Variants in ZNF618 observed in about 807,000 individuals in gnomAD.
ZNF618 encodes neural precursor cell expressed, developmentally down-regulated 10.
In ZNF618, 34 loss-of-function variants were observed where a neutral mutation model predicts 103.0. The observed-to-expected ratio is 0.33, with a 90% CI of 0.25 to 0.44. The LOEUF (loss-of-function observed/expected upper bound fraction) is 0.44, where lower values mean the gene tolerates loss of function less well. Ranked by LOEUF, ZNF618 falls within the 20% of genes least tolerant of loss-of-function variation. ZNF618 has a pLI of 1.00. For missense variants in ZNF618, 1,059 were observed against 1,295.4 expected, an observed-to-expected ratio of 0.82 and a Z score of 2.80; for synonymous variants, 551 against 542.2, an observed-to-expected ratio of 1.02 and a Z score of -0.23.
chr9:114,043,934 T>C (rs1227174019), intron 13 of ZNF618, among the ~76,000 whole-genome samples: 1 of 152,258 alleles, frequency 6.6e-6, no homozygotes, highest in African/African-American at 2.4e-5. Flanking sequence ...GAGTTCTTCA[T>C]AGATTCTGGA....
chr9:114,012,631 A>G (rs1198506883), intron 9 of ZNF618, among the ~76,000 whole-genome samples: 1 of 152,232 alleles, frequency 6.6e-6, no homozygotes, highest in African/African-American at 2.4e-5. Flanking sequence ...GAGACGAGGA[A>G]GGATTTCAGG....
At chr9:114,026,923 C>T (rs1843549589) in intron 10 of ZNF618, among the ~76,000 whole-genome samples, 3 of 152,060 alleles carry the variant, frequency 2.0e-5, no homozygotes, top group South Asian at 2.1e-4. Flanking sequence ...TTGTGGAGGC[C>T]GAGGGTTACA....
intron 1 of ZNF618, among the ~76,000 whole-genome samples, chr9:113,944,701 A>AT (rs1834851168): frequency 6.6e-6 from 1 of 152,238 alleles, no homozygotes; most frequent in African/African-American, 2.4e-5. Flanking sequence ...GGTGAAATTA[A>AT]TTTTCATAAC....
intron 1 of ZNF618, among the ~76,000 whole-genome samples, chr9:113,926,732 A>C (rs74529970): frequency 6.6e-6 from 1 of 152,164 alleles, no homozygotes; most frequent in Non-Finnish European, 1.5e-5. Context: ...TAAATTCCCA[A>C]ATCTGCACTG....
At chr9:113,912,908 C>G (rs1456750487) in intron 1 of ZNF618, among the ~76,000 whole-genome samples, 1 of 152,134 alleles carries the variant, frequency 6.6e-6, no homozygotes, top group African/African-American at 2.4e-5. Context: ...CTGGCCTGGG[C>G]TGTTTTGTAC....
chr9:113,971,183 G>A (rs1033929332), intron 2 of ZNF618, among the ~76,000 whole-genome samples: 21 of 151,774 alleles, frequency 1.4e-4, no homozygotes, highest in Non-Finnish European at 1.9e-4. Flanking sequence ...TTGTCAGACC[G>A]GTGCCTGGAA....
Position 113,900,371 on chromosome 9 carries a change from C to T in ZNF618, c.33+23958C>T, listed in dbSNP as rs527869445. On this transcript the variant is annotated intron_variant, in intron 1 of 14. Transcript: ENST00000374126. ...GCCACCATGCCTGGCCGACAAACTG[C>T]CACTTTTAAATGCGATTAACCCTAA... Among the ~76,000 whole-genome samples, 5 of 152,224 alleles carry T rather than the reference C, an allele frequency of 3.3e-5. No homozygotes were observed. In the East Asian group the frequency reaches 9.7e-4, roughly 29 times the overall value.
intron 1 of ZNF618, among the ~76,000 whole-genome samples, chr9:113,949,009 G>A (rs1041874796): frequency 1.3e-5 from 2 of 152,210 alleles, no homozygotes; most frequent in African/African-American, 4.8e-5. Context: ...GTTGATCTCT[G>A]CCTATTTACT....
chr9:114,024,079 A>T (rs1218499574), intron 10 of ZNF618, among the ~76,000 whole-genome samples: 1 of 152,158 alleles, frequency 6.6e-6, no homozygotes, highest in African/African-American at 2.4e-5. Flanking sequence ...TTGATAATCA[A>T]TAATGTTTAC....
intron 13 of ZNF618, among the ~76,000 whole-genome samples, chr9:114,037,684 G>A (rs971713282): frequency 6.6e-6 from 1 of 152,204 alleles, no homozygotes; most frequent in Non-Finnish European, 1.5e-5. Context: ...GACTGGCATA[G>A]AGTATTACAG....
chr9:114,050,229 A>T lies in ZNF618; in HGVS notation c.*62A>T, dbSNP rs1383565585. ...GATAACATTAGAAAAAAACCACACA[A>T]CACTGTCACAAAGAAAAGGAATTTA... On this transcript the variant is annotated 3_prime_UTR_variant, in exon 15 of 15. Transcript: ENST00000374126. 4.0e-6 allele frequency: 6 copies of T among 1,482,874 alleles called. No individual in the cohort carries two copies. The African/African-American group carries it at 8.4e-5, about 21-fold the overall frequency. 91.9% of individuals were successfully genotyped at this position (1,482,874 alleles called of 1,614,324 possible).
chr9:114,016,070 A>G, intron 9 of ZNF618: 1 of 1,528,878 alleles, frequency 6.5e-7, no homozygotes, highest in East Asian at 2.3e-5. Flanking sequence ...TTTAGTTTTT[A>G]TTCTGTATTT....
In ZNF618 at chr9:114,049,942, G is replaced by A. The variant is rs2134703272; in HGVS notation, c.2640G>A (p.Glu880=). 2 of 1,613,942 alleles carry A rather than the reference G, an allele frequency of 1.2e-6. No individual in the cohort carries two copies. The highest frequency in any genetic ancestry group is 4.5e-5 in the East Asian group (2 of 44,870). The change falls in exon 15 of 15, where the codon GAG becomes GAA. Residue 880 remains glutamate (E), a synonymous_variant. Coordinates refer to ENST00000374126, the MANE Select transcript of ZNF618 (RefSeq NM_001318042.2). ...GKNEVYDYLQ[E]PLFQATPDLF... ...ATGAAGTGTACGATTACCTGCAGGA[G>A]CCCCTCTTCCAGGCTACCCCTGATC...
chr9:113,952,366 TC>T (rs1307397923), intron 1 of ZNF618, among the ~76,000 whole-genome samples: 2 of 152,198 alleles, frequency 1.3e-5, no homozygotes, highest in Non-Finnish European at 2.9e-5. Context: ...AGCTGATCTG[TC>T]CTTTTGCTCA....
At chr9:113,994,184 A>G (rs1350276553) in intron 3 of ZNF618, among the ~76,000 whole-genome samples, 1 of 152,256 alleles carries the variant, frequency 6.6e-6, no homozygotes, top group Non-Finnish European at 1.5e-5. Context: ...AGGAGGCAGC[A>G]GCCAGGCTAT....
intron 1 of ZNF618, among the ~76,000 whole-genome samples, chr9:113,957,134 G>A (rs1041483196): frequency 5.3e-5 from 8 of 152,258 alleles, no homozygotes; most frequent in East Asian, 3.9e-4. Flanking sequence ...CCCGCCGGCC[G>A]GAGAGATCAG....
At chr9:114,004,119 A>G (rs1841511246) in intron 6 of ZNF618, among the ~76,000 whole-genome samples, 1 of 152,232 alleles carries the variant, frequency 6.6e-6, no homozygotes, top group Non-Finnish European at 1.5e-5. Context: ...GTTTGAAGAG[A>G]TGGCGATGGC....
chr9:114,026,219 A>G (rs967422772), intron 10 of ZNF618, among the ~76,000 whole-genome samples: 1 of 152,232 alleles, frequency 6.6e-6, no homozygotes, highest in Non-Finnish European at 1.5e-5. Context: ...TGAGCTTGAA[A>G]GAGAAAGGAT....
chr9:113,994,968 G>A (rs537337265), intron 3 of ZNF618, among the ~76,000 whole-genome samples: 1 of 150,136 alleles, frequency 6.7e-6, no homozygotes, highest in East Asian at 1.9e-4. Context: ...ATAAAACTGT[G>A]AACCAATTTT....
Sources: allele counts gnomAD v4.1 joint callset (sites outside exome capture counted in the v4.1 genomes callset), GRCh38; gene constraint gnomAD v4.1.1; transcripts MANE v1.5; gene names NCBI Gene and HGNC (gene_info 2026-07-23, HGNC 2026-07-21).